BAP1: variants seen among roughly 807,000 people sequenced by gnomAD.
The protein encoded by BAP1 is ubiquitin carboxyl-terminal hydrolase BAP1.
Under a neutral mutation model 77.2 loss-of-function variants are expected in BAP1, and 16 were observed. The ratio of observed to expected loss-of-function variants is 0.21; its 90% confidence interval spans 0.14 to 0.31. The LOEUF (loss-of-function observed/expected upper bound fraction) is 0.31. BAP1 is among the 10% of genes least tolerant of loss of function. The pLI is 1.00. For missense variants in BAP1, 699 were observed against 967.3 expected (o/e 0.72, Z 3.68); for synonymous variants, 362 against 385.2 (o/e 0.94, Z 0.71).
intron 10 of BAP1, 47 bp downstream of exon 10, chr3:52,405,718 T>C (rs2153227180): frequency 3.1e-6 from 5 of 1,609,954 alleles, no homozygotes; most frequent in Non-Finnish European, 4.2e-6. Flanking sequence ...TGTCAGACAT[T>C]AGCGGGTGGC....
In BAP1 at chr3:52,406,947, C is replaced by A. The variant is rs2153227685; in HGVS notation, c.581-40G>T. On this transcript the variant is annotated intron_variant, in intron 7 of 16. Transcript: ENST00000460680. The surrounding 1 kb of genome is among the most constrained non-coding windows in gnomAD (Gnocchi z 4.6). The stretch of plus-strand genomic sequence containing the variant: ...GACAAGGAATCAGCGAGAAGGAAAC[C>A]CTGAGTTTGGGCAGGCCAGGAGTGG... 6.4e-7 allele frequency: 1 copy of A among 1,554,570 alleles called. No homozygotes were observed. Among genetic ancestry groups the A allele is most frequent in the East Asian group, 2.4e-5 (1 of 41,498 alleles).
Position 52,405,875 on chromosome 3 carries a change from T to G in BAP1, c.821A>C (p.His274Pro), listed in dbSNP as rs565400314. 39 of 1,614,138 alleles carry G rather than the reference T, an allele frequency of 2.4e-5. 1 individual carries two copies. In the South Asian group the frequency reaches 4.0e-4, roughly 16 times the overall value. The stretch of plus-strand genomic sequence containing the variant: ...AGGCAGCTGTGACTCTTGAGACTTG[T>G]GGGTCTGAATCAGCTCTGGCTGTGT... ...RVTQPELIQT[H>P]KSQESQLPEE... Residue 274 changes from histidine (H) to proline (P), a missense_variant, in exon 10 of 17, where the codon CAC becomes CCC. By Grantham distance (77) the His-to-Pro change is moderately conservative. Transcript: ENST00000460680.
chr3:52,409,047 G>A (rs1388714460), intron 3 of BAP1, among the ~76,000 whole-genome samples: 2 of 152,216 alleles, frequency 1.3e-5, no homozygotes, highest in Non-Finnish European at 2.9e-5. Flanking sequence ...TTTGTTCCAG[G>A]AAATTAAAGT....
At chr3:52,404,006 C>G in intron 12 of BAP1, 112 bp from the exon 13 acceptor site, 1 of 1,149,314 alleles carries the variant, frequency 8.7e-7, no homozygotes, top group Non-Finnish European at 1.3e-6. Flanking sequence ...CCTAAAACTC[C>G]TTATACTTGG....
At chr3:52,407,630 A>T (rs1224713537) in intron 5 of BAP1, among the ~76,000 whole-genome samples, 170 bp from the exon 6 acceptor site, 7 of 152,192 alleles carry the variant, frequency 4.6e-5, no homozygotes, top group African/African-American at 1.7e-4. Flanking sequence ...GGAGCCCCAA[A>T]GAGATGGACT....
At chr3:52,404,629 C>T (rs1193697457) in intron 11 of BAP1, 43 bp from the exon 12 acceptor site, 1 of 1,594,992 alleles carries the variant, frequency 6.3e-7, no homozygotes, top group South Asian at 1.1e-5. Context: ...TGCTGCTCGG[C>T]CCAGGCTGAG....
In BAP1 at chr3:52,406,647, G is replaced by A; in HGVS notation, c.659+182C>T. 3.3e-6 allele frequency: 3 copies of A among 903,526 alleles called. No individual in the cohort carries two copies. The highest frequency in any genetic ancestry group is 5.1e-6 in the Non-Finnish European group (3 of 587,868). 56.0% of individuals were successfully genotyped at this position (903,526 alleles called of 1,614,324 possible). ...CCTGCCCCTCCCCCAGCCCACCCAG[G>A]AGCAGGCCACAGGCAGCCCAGGCAG... On this transcript the variant is annotated intron_variant, in intron 8 of 16. Coordinates refer to ENST00000460680, the MANE Select transcript of BAP1 (RefSeq NM_004656.4). The surrounding 1 kb of genome is among the most constrained non-coding windows in gnomAD (Gnocchi z 4.6).
At chr3:52,405,986 G>A in intron 9 of BAP1, 74 bp from the exon 10 acceptor site, 9 of 1,598,014 alleles carry the variant, frequency 5.6e-6, no homozygotes, top group South Asian at 2.2e-5. Context: ...AAGGGCTGAG[G>A]ACCTAAAGGA....
intron 10 of BAP1, 55 bp from the exon 11 acceptor site, chr3:52,405,349 TCA>T (rs1705117284): frequency 1.3e-5 from 21 of 1,606,696 alleles, no homozygotes; most frequent in Admixed American, 1.7e-5. Flanking sequence ...CAAGAAAAGC[TCA>T]CAGTCTCCCC....
At position 52,406,895 on chromosome 3, in the gene BAP1, TC is replaced by T. The variant is rs1205668341; in HGVS notation, c.592del (p.Glu198ArgfsTer33). 3 of 1,570,608 alleles carry T rather than the reference TC, an allele frequency of 1.9e-6. No homozygotes were observed. Among genetic ancestry groups the T allele is most frequent in the Admixed American group, 1.9e-5 (1 of 53,812 alleles). On this transcript the variant is annotated frameshift_variant, in exon 8 of 17. Transcript: ENST00000460680. LOFTEE classifies it high-confidence loss of function. The surrounding 1 kb of genome is among the most constrained non-coding windows in gnomAD (Gnocchi z 4.6). ...VYPIDHGPWG[E>X]DEEWTDKARR... ...GGCCTTGTCTGTCCACTCCTCGTCC[TC>T]CCCCCAGGGCCCTAGTGGAGACCAA...
At chr3:52,409,515 T>C (rs2153228484) in intron 3 of BAP1, 39 bp downstream of exon 3, 3 of 1,613,080 alleles carry the variant, frequency 1.9e-6, no homozygotes, top group South Asian at 1.1e-5. Context: ...TCCCCAGCAC[T>C]CTGGGTGTAA....
At position 52,407,979 on chromosome 3, in the gene BAP1, G is replaced by A. The variant is rs2153228086; in HGVS notation, c.354C>T (p.Phe118=). 2.5e-6 allele frequency: 4 copies of A among 1,613,998 alleles called. No homozygotes were observed. The highest frequency in any genetic ancestry group is 3.4e-6 in the Non-Finnish European group (4 of 1,180,004). ...CTACCTCAGGGCTGAAACCCTTGGT[G>A]AAGTCCTTCATGCGACTCAGGGTGG... ...LGPTLSRMKD[F]TKGFSPESKG... Residue 118 remains phenylalanine, a synonymous_variant, in exon 5 of 17, where the codon TTC becomes TTT. Transcript: ENST00000460680.
In BAP1 at chr3:52,403,530, G is replaced by A. The variant is rs2153226637; in HGVS notation, c.1615C>T (p.Leu539=). The change falls in exon 13 of 17, where the codon CTG becomes TTG. Residue 539 remains leucine (L), a synonymous_variant. Coordinates refer to ENST00000460680, the MANE Select transcript of BAP1 (RefSeq NM_004656.4). The surrounding 1 kb of genome is among the most constrained non-coding windows in gnomAD (Gnocchi z 4.0). ...KVLFGEDDSL[L]RVDCIRYNRA... ...TTGTAGCGTATGCAGTCAACACGCA[G>A]CAGGCTGTCATCCTCTCCAAAAAGC... 1 of 1,614,114 alleles carries A rather than the reference G, an allele frequency of 6.2e-7. No homozygotes were observed. Among genetic ancestry groups the A allele is most frequent in the Non-Finnish European group, 8.5e-7 (1 of 1,180,002 alleles).
rs1325287331 is a variant in BAP1, at chr3:52,401,907, CAGGT to C, written c.*377_*380del. On this transcript the variant is annotated 3_prime_UTR_variant, in exon 17 of 17. Coordinates refer to ENST00000460680, the MANE Select transcript of BAP1 (RefSeq NM_004656.4). ...CAGCTCCTAGGAGAGAAAGCATAGT[CAGGT>C]AGGAACTTATGTCAACATGGTGGCA... 1 of 384,804 alleles carries C rather than the reference CAGGT, an allele frequency of 2.6e-6. No homozygotes were observed. The highest frequency in any genetic ancestry group is 4.4e-5 in the East Asian group (1 of 22,868). 23.8% of individuals were successfully genotyped at this position (384,804 alleles called of 1,614,324 possible).
intron 10 of BAP1, 69 bp downstream of exon 10, chr3:52,405,696 T>A: frequency 6.3e-7 from 1 of 1,597,492 alleles, no homozygotes; most frequent in South Asian, 1.1e-5. Context: ...CTTTCCCTGT[T>A]TAGGCCTCCC....
rs563691773 is a variant in BAP1 at position 52,401,063 on chromosome 3, G to C, written c.*1225C>G. The C allele has an allele frequency of 4.3e-6, 1 of 232,108 alleles. No individual in the cohort carries two copies. 14.4% of individuals were successfully genotyped at this position (232,108 alleles called of 1,614,324 possible). ...TCATTCATTGATCCAGTATTTACAG[G>C]GGCTAGAGGGGTCAAGCTGTGCTCA... On this transcript the variant is annotated 3_prime_UTR_variant, in exon 17 of 17. Transcript: ENST00000460680.
chr3:52,403,980 A>G lies in BAP1; in HGVS notation c.1251-86T>C, dbSNP rs899485448. On this transcript the variant is annotated intron_variant, in intron 12 of 16. Coordinates refer to ENST00000460680, the MANE Select transcript of BAP1 (RefSeq NM_004656.4). The surrounding 1 kb of genome is among the most constrained non-coding windows in gnomAD (Gnocchi z 4.0). Reference sequence around the variant, plus strand: ...CCCAGAATGGCTTAAATACATCCCGACCTCCAGGGGCTGACCCTAAAACTC... The same window carrying G: ...CCCAGAATGGCTTAAATACATCCCGGCCTCCAGGGGCTGACCCTAAAACTC... 10 of 1,392,120 alleles carry G rather than the reference A, an allele frequency of 7.2e-6. No individual in the cohort carries two copies. The highest frequency in any genetic ancestry group is 1.4e-5 in the African/African-American group (1 of 70,562). The allele number at this position is 1,392,120 out of a possible 1,614,324, so 86.2% of individuals were successfully genotyped here.
chr3:52,406,752 T>C lies in BAP1; in HGVS notation c.659+77A>G. On this transcript the variant is annotated intron_variant, in intron 8 of 16. Transcript: ENST00000460680. This position sits in a 1 kb window ranked among gnomAD's most constrained non-coding sequence, Gnocchi z 4.6. ...ACCATATGGCCTTGCAATTTACAAATCACCTGGATACTCTCTGTCCCTCCC... is the reference window on the plus strand; with the variant it reads ...ACCATATGGCCTTGCAATTTACAAACCACCTGGATACTCTCTGTCCCTCCC... 6.8e-7 allele frequency: 1 copy of C among 1,473,120 alleles called. No individual in the cohort carries two copies. Among genetic ancestry groups the C allele is most frequent in the Non-Finnish European group, 9.3e-7 (1 of 1,076,266 alleles). The allele number at this position is 1,473,120 out of a possible 1,614,324, so 91.3% of individuals were successfully genotyped here.
chr3:52,401,772 G>A lies in BAP1; in HGVS notation c.*516C>T, dbSNP rs962577626. ...GCTTCCTTACAACAGGGACAGGCTG[G>A]TGGCTGGGGCTAGAGCAGCAGGGCC... On this transcript the variant is annotated 3_prime_UTR_variant, in exon 17 of 17. Coordinates refer to ENST00000460680, the MANE Select transcript of BAP1 (RefSeq NM_004656.4). 2 of 247,834 alleles carry A rather than the reference G, an allele frequency of 8.1e-6. No homozygotes were observed. Among genetic ancestry groups the A allele is most frequent in the African/African-American group, 4.4e-5 (2 of 45,548 alleles). The allele number at this position is 247,834 out of a possible 1,614,324, so 15.4% of individuals were successfully genotyped here.
Sources: gnomAD v4.1 joint callset for allele counts (sites outside exome capture counted in the v4.1 genomes callset) on GRCh38, gnomAD v4.1.1 for gene constraint, Gnocchi (gnomAD v3.1) non-coding constraint, MANE v1.5 for transcripts, NCBI Gene and HGNC (gene_info 2026-07-23, HGNC 2026-07-21) for gene names.